The following LRRC71 variants were observed in gnomAD, a reference collection of about 807,000 sequenced individuals.
LRRC71 encodes the protein leucine rich repeat containing 71.
In LRRC71, 54 loss-of-function variants were observed where a neutral mutation model predicts 66.6. That is an observed-to-expected ratio of 0.81 (90% confidence interval 0.65 to 1.02). The LOEUF (loss-of-function observed/expected upper bound fraction) is 1.02. Ranked by LOEUF, LRRC71 falls within the 50% of genes least tolerant of loss-of-function variation. The pLI is 0.00. For synonymous variants in LRRC71, 323 were observed against 303.9 expected (o/e 1.06, Z -0.65); for missense variants, 724 against 718.0 (o/e 1.01, Z -0.10).
downstream of LRRC71, among the ~76,000 whole-genome samples, chr1:156,938,058 CCA>C (rs1370403388): frequency 6.6e-6 from 1 of 152,216 alleles, no homozygotes. Flanking sequence ...CAGCCGATTT[CCA>C]CAGTGACACT....
chr1:156,923,585 C>G (rs1397167160), intron 1 of LRRC71, among the ~76,000 whole-genome samples: 2 of 152,106 alleles, frequency 1.3e-5, no homozygotes, highest in East Asian at 3.9e-4. Flanking sequence ...CTGAGCAGTT[C>G]CAGCAGGGAA....
intron 9 of LRRC71, among the ~76,000 whole-genome samples, chr1:156,928,927 T>C (rs1203499561): frequency 6.6e-6 from 1 of 152,150 alleles, no homozygotes; most frequent in African/African-American, 2.4e-5. Context: ...GGGATAGTTG[T>C]ACCTATTTCA....
intron 5 of LRRC71, 121 bp downstream of exon 5, chr1:156,925,136 T>G (rs1653006678): frequency 2.2e-6 from 2 of 906,306 alleles, no homozygotes; most frequent in South Asian, 1.5e-5. Context: ...GGCATCCCTG[T>G]GGAAGCAGAA....
downstream of LRRC71, chr1:156,936,123 C>G: frequency 6.5e-7 from 1 of 1,527,696 alleles, no homozygotes. Context: ...CATGTTTTGT[C>G]TAGAAAGTTC....
Position 156,929,846 on chromosome 1 carries a change from GC to G in LRRC71, c.1240+121del, listed in dbSNP as rs779985023. On this transcript the variant is annotated intron_variant, in intron 11 of 14. Transcript: ENST00000337428. ...GCCTGCCTGGAGCTCATCTCGCCAT[GC>G]CCCTCTGGGCTTGATTTCCTTCTCA... 8.9e-6 allele frequency: 7 copies of G among 783,740 alleles called. No homozygotes were observed. The African/African-American group carries it at 1.1e-4, about 12-fold the overall frequency. The allele number at this position is 783,740 out of a possible 1,614,324, so 48.5% of individuals were successfully genotyped here.
At chr1:156,934,470 G>A (rs181826022), downstream of LRRC71, among the ~76,000 whole-genome samples, 10 of 152,074 alleles carry the variant, frequency 6.6e-5, no homozygotes, top group Admixed American at 6.5e-4. Flanking sequence ...GCTCATTGAG[G>A]GCAGCTCATG....
the LRRC71 span, among the ~76,000 whole-genome samples, chr1:156,938,099 T>C: frequency 6.6e-6 from 1 of 152,154 alleles, no homozygotes; most frequent in African/African-American, 2.4e-5. Context: ...GGGAAGTGGC[T>C]GCTTGCATAT....
At position 156,932,889 on chromosome 1, in the gene LRRC71, A is replaced by T; in HGVS notation, c.1600A>T (p.Ile534Leu). The T allele has an allele frequency of 6.2e-7, 1 of 1,608,440 alleles. No individual in the cohort carries two copies. The highest frequency in any genetic ancestry group is 8.5e-7 in the Non-Finnish European group (1 of 1,177,664). The stretch of plus-strand genomic sequence containing the variant: ...CGCCCCACAATGTCCTGCGTACGCC[A>T]TAATCCAGGAGCTGATGTTGCCAAG... The part of the protein sequence containing the change: ...CFAPQCPAYA[I>L]IQELMLPRDP... Residue 534 changes from isoleucine to leucine, a missense_variant, in exon 15 of 15, where the codon ATA becomes TTA. Transcript: ENST00000337428.
intron 2 of LRRC71, 83 bp from the exon 3 acceptor site, chr1:156,924,341 A>G (rs1205111483): frequency 4.7e-6 from 7 of 1,498,734 alleles, no homozygotes; most frequent in Non-Finnish European, 6.2e-6. Context: ...GTGTCCTCCA[A>G]TCCCACCCGG....
chr1:156,932,383 C>A, intron 13 of LRRC71, 41 bp from the exon 14 acceptor site: 1 of 1,531,632 alleles, frequency 6.5e-7, no homozygotes, highest in Non-Finnish European at 9.0e-7. Context: ...GCCAATGAGG[C>A]CTGTGGTGCT....
rs1029122855 is a variant in LRRC71, at chr1:156,924,714, A to C, written c.511A>C (p.Ile171Leu). Residue 171 changes from isoleucine (I) to leucine (L), a missense_variant, in exon 4 of 15, where the codon ATC becomes CTC. By Grantham distance (5) the Ile-to-Leu change is conservative. Coordinates refer to ENST00000337428, the MANE Select transcript of LRRC71 (RefSeq NM_144702.3). ...GCCCCCGCTTACCCAGCTACAGGCC[A>C]TCAAGTGAGAGGCACTGAGGGGATG... ...CLPPLTQLQA[I>L]NLWKVGLTDK... The C allele has an allele frequency of 2.1e-5, 33 of 1,551,542 alleles. No homozygotes were observed. The highest frequency in any genetic ancestry group is 1.7e-4 in the Middle Eastern group (1 of 6,014).
chr1:156,924,239 G>C, intron 2 of LRRC71, 141 bp downstream of exon 2: 1 of 1,239,316 alleles, frequency 8.1e-7, no homozygotes, highest in South Asian at 1.5e-5. Flanking sequence ...CCGGTGGGGA[G>C]GTGGGGGAGT....
In LRRC71 at chr1:156,932,985, T is replaced by C. The variant is rs773102340; in HGVS notation, c.*16T>C. The C allele has an allele frequency of 1.2e-5, 18 of 1,545,666 alleles. No homozygotes were observed. Among genetic ancestry groups the C allele is most frequent in the Non-Finnish European group, 1.6e-5 (18 of 1,141,602 alleles). On this transcript the variant is annotated 3_prime_UTR_variant, in exon 15 of 15. Coordinates refer to ENST00000337428, the MANE Select transcript of LRRC71 (RefSeq NM_144702.3). ...CTTCCCCTAGCCCCCTCCCACCTGC[T>C]TGCCTCTAAGACTCGGGGCTACAGA...
rs375125616 is a variant in LRRC71 at position 156,931,970 on chromosome 1, C to A, written c.1384C>A (p.Arg462=). The A allele has an allele frequency of 1.2e-6, 2 of 1,601,478 alleles. No homozygotes were observed. Among genetic ancestry groups the A allele is most frequent in the Non-Finnish European group, 8.5e-7 (1 of 1,173,940 alleles). ...CCCTCTCCTGGAGCCTGTGGAGCACCGAGATGGGAAAGTTTTCATGCCTGG... is the reference window on the plus strand; with the variant it reads ...CCCTCTCCTGGAGCCTGTGGAGCACAGAGATGGGAAAGTTTTCATGCCTGG... The part of the protein sequence containing the change: ...VNPLLEPVEH[R]DGKVFMPGNK... Residue 462 remains arginine (R), a synonymous_variant, in exon 13 of 15, where the codon CGA becomes AGA. Coordinates refer to ENST00000337428, the MANE Select transcript of LRRC71 (RefSeq NM_144702.3).
downstream of LRRC71, chr1:156,937,043 T>G (rs374448938): frequency 2.2e-5 from 36 of 1,601,792 alleles, no homozygotes; most frequent in Non-Finnish European, 2.8e-5. Context: ...CTCGAGTCCT[T>G]CTATTCCTAA....
intron 12 of LRRC71, among the ~76,000 whole-genome samples, chr1:156,930,915 C>G (rs1654268119): frequency 6.6e-6 from 1 of 152,208 alleles, no homozygotes; most frequent in African/African-American, 2.4e-5. Flanking sequence ...CCCCAGAGGC[C>G]CAGAGGCACA....
chr1:156,938,463 A>G, the LRRC71 span: 1 of 1,613,862 alleles, frequency 6.2e-7, no homozygotes, highest in Non-Finnish European at 8.5e-7. Context: ...CCAGGCTCTG[A>G]CTGGCCACTC....
At position 156,924,054 on chromosome 1, in the gene LRRC71, C is replaced by CCCCCCAAG; in HGVS notation, c.266_267insCCCCCAAG (p.Phe91GlnfsTer16). The CCCCCCAAG allele has an allele frequency of 6.5e-7, 1 of 1,548,398 alleles. No individual in the cohort carries two copies. On this transcript the variant is annotated frameshift_variant, in exon 2 of 15. Coordinates refer to ENST00000337428, the MANE Select transcript of LRRC71 (RefSeq NM_144702.3). LOFTEE classifies it high-confidence loss of function. ...GTTGTCAACCGGCCCCGCCCCCACC[C>CCCCCCAAG]GCCCTTCGTCCCCTCCGCCTCTTTG...
chr1:156,921,019 C>A (rs1458627557), intron 1 of LRRC71, 56 bp downstream of exon 1: 1 of 1,446,684 alleles, frequency 6.9e-7, no homozygotes, highest in Non-Finnish European at 9.1e-7. Flanking sequence ...TTCCCGGGTT[C>A]CCACTAGCTA....
Sources: allele counts gnomAD v4.1 joint callset (sites outside exome capture counted in the v4.1 genomes callset), GRCh38; gene constraint gnomAD v4.1.1; transcripts MANE v1.5; gene names NCBI Gene and HGNC (gene_info 2026-07-23, HGNC 2026-07-21).